The following VIPR2 variants were observed in gnomAD, a reference collection of about 807,000 sequenced individuals.
The protein encoded by VIPR2 is vasoactive intestinal peptide receptor 2.
A neutral mutation model predicts 58.0 loss-of-function variants in VIPR2; 48 were observed. The ratio of observed to expected loss-of-function variants is 0.83; its 90% confidence interval spans 0.66 to 1.05. The LOEUF (loss-of-function observed/expected upper bound fraction) is 1.05. Ranked by LOEUF, VIPR2 falls within the 50% of genes least tolerant of loss-of-function variation. VIPR2 has a pLI of 0.00. For missense variants in VIPR2, 534 were observed against 558.0 expected (o/e 0.96, Z 0.43); for synonymous variants, 243 against 235.2 (o/e 1.03, Z -0.30).
chr7:159,140,543 G>C (rs902230484), intron 2 of VIPR2, among the ~76,000 whole-genome samples: 2 of 152,172 alleles, frequency 1.3e-5, no homozygotes, highest in Non-Finnish European at 2.9e-5. Context: ...AAGTCAAAAA[G>C]GTAAAACAGA....
chr7:159,043,582 G>A (rs1009140653), intron 5 of VIPR2, among the ~76,000 whole-genome samples: 4 of 152,138 alleles, frequency 2.6e-5, no homozygotes, highest in African/African-American at 9.7e-5. Context: ...CCAAGTGAAC[G>A]CTTAGCCGGG....
intron 2 of VIPR2, among the ~76,000 whole-genome samples, chr7:159,134,269 T>C (rs1585565730): frequency 6.6e-6 from 1 of 152,230 alleles, no homozygotes; most frequent in South Asian, 2.1e-4. Flanking sequence ...TCACAGTGCA[T>C]ATCAGTGTCA....
chr7:159,055,235 G>A (rs373533343), intron 5 of VIPR2, among the ~76,000 whole-genome samples: 1 of 152,090 alleles, frequency 6.6e-6, no homozygotes, highest in South Asian at 2.1e-4. Context: ...ATGATTCCGA[G>A]GTAACGTTTT....
chr7:159,108,306 C>G (rs1234744359), intron 3 of VIPR2, among the ~76,000 whole-genome samples: 1 of 152,240 alleles, frequency 6.6e-6, no homozygotes, highest in African/African-American at 2.4e-5. Flanking sequence ...ATTTAATGCC[C>G]CAAAGATGAA....
intron 4 of VIPR2, among the ~76,000 whole-genome samples, chr7:159,074,048 T>TAA (rs1585420685): frequency 6.6e-6 from 1 of 152,036 alleles, no homozygotes; most frequent in East Asian, 1.9e-4. Context: ...ATCAATAAAA[T>TAA]AAAACATGCA....
At chr7:159,041,275 G>T (rs373768549) in intron 6 of VIPR2, among the ~76,000 whole-genome samples, 7 of 152,204 alleles carry the variant, frequency 4.6e-5, no homozygotes, top group Non-Finnish European at 1.0e-4. Context: ...ACTCTGCCTC[G>T]GAGGTTCTGG....
At chr7:159,103,426 G>T (rs1439155097) in intron 4 of VIPR2, among the ~76,000 whole-genome samples, 1 of 152,132 alleles carries the variant, frequency 6.6e-6, no homozygotes, top group Non-Finnish European at 1.5e-5. Flanking sequence ...ATGCAGAAAG[G>T]GCATGCTCTC....
chr7:159,077,811 A>T (rs1411328350), intron 4 of VIPR2, among the ~76,000 whole-genome samples: 4 of 152,184 alleles, frequency 2.6e-5, no homozygotes, highest in African/African-American at 9.7e-5. Context: ...TGTACCTGTT[A>T]TCAGATTCTA....
intron 4 of VIPR2, among the ~76,000 whole-genome samples, chr7:159,101,304 G>A (rs1202124084): frequency 1.4e-5 from 2 of 147,700 alleles, no homozygotes; most frequent in Non-Finnish European, 3.0e-5. Context: ...GATAGTGAAC[G>A]GGTCTCACGA....
At chr7:159,113,206 A>G (rs988613305) in intron 2 of VIPR2, among the ~76,000 whole-genome samples, 2 of 152,212 alleles carry the variant, frequency 1.3e-5, no homozygotes, top group Non-Finnish European at 2.9e-5. Context: ...TAAGCCTGGT[A>G]GTTAAAATTT....
At chr7:159,105,532 G>A (rs541298412) in intron 3 of VIPR2, among the ~76,000 whole-genome samples, 43 of 152,298 alleles carry the variant, frequency 2.8e-4, no homozygotes, top group African/African-American at 1.0e-3. Context: ...GCAGAGAGAG[G>A]GCCGGGCCAG....
intron 2 of VIPR2, among the ~76,000 whole-genome samples, chr7:159,132,831 G>T (rs28626309): frequency 0.11 from 4,217 of 38,926 alleles, 424 homozygotes; most frequent in Admixed American, 0.14. Flanking sequence ...CGATTGATTT[G>T]AGACAGAATG....
intron 3 of VIPR2, among the ~76,000 whole-genome samples, chr7:159,105,697 G>T (rs1410166694): frequency 6.6e-6 from 1 of 152,110 alleles, no homozygotes; most frequent in African/African-American, 2.4e-5. Context: ...GGGTCTGGGG[G>T]CCTCTTAGCT....
At chr7:159,143,623 A>G (rs1328258483) in intron 1 of VIPR2, among the ~76,000 whole-genome samples, 1 of 152,234 alleles carries the variant, frequency 6.6e-6, no homozygotes, top group Non-Finnish European at 1.5e-5. Context: ...CCAGGCACTG[A>G]CTTTGGGCTC....
chr7:159,131,725 G>A (rs1289764149), intron 2 of VIPR2, among the ~76,000 whole-genome samples: 1 of 152,176 alleles, frequency 6.6e-6, no homozygotes, highest in Non-Finnish European at 1.5e-5. Flanking sequence ...CCATGCCTAA[G>A]TCACTGATTT....
intron 6 of VIPR2, among the ~76,000 whole-genome samples, chr7:159,041,335 C>G (rs940116813): frequency 6.6e-6 from 1 of 152,204 alleles, no homozygotes; most frequent in African/African-American, 2.4e-5. Flanking sequence ...GCTGCTGCTC[C>G]AGGCCAGCAC....
chr7:159,072,192 G>A (rs377125095), intron 4 of VIPR2, among the ~76,000 whole-genome samples: 39 of 69,726 alleles, frequency 5.6e-4, no homozygotes, highest in South Asian at 1.5e-3. Flanking sequence ...GGAACCCTGC[G>A]GCACCTGCTG....
intron 4 of VIPR2, among the ~76,000 whole-genome samples, chr7:159,094,356 T>A (rs2129495469): frequency 6.6e-6 from 1 of 152,310 alleles, no homozygotes; most frequent in African/African-American, 2.4e-5. Context: ...CAAGGAAAGT[T>A]GAGCCCATGG....
In VIPR2 at chr7:159,028,547, C is replaced by T. The variant is rs1202198870; in HGVS notation, c.*2069G>A. ...TCACAGCTCAGTGTCGGCACCTGGC[C>T]ACTGACCCAACACCTTCAGTTACCA... is the stretch of plus-strand genomic sequence containing the variant. On this transcript the variant is annotated 3_prime_UTR_variant, in exon 13 of 13. Transcript: ENST00000262178. 1 of 152,398 alleles carries T rather than the reference C, an allele frequency of 6.6e-6. No individual in the cohort carries two copies. The highest frequency in any genetic ancestry group is 1.5e-5 in the Non-Finnish European group (1 of 68,130). The allele number at this position is 152,398 out of a possible 1,614,324, so 9.4% of individuals were successfully genotyped here.
Sources: allele counts gnomAD v4.1 joint callset (sites outside exome capture counted in the v4.1 genomes callset), GRCh38; gene constraint gnomAD v4.1.1; transcripts MANE v1.5; gene names NCBI Gene and HGNC (gene_info 2026-07-23, HGNC 2026-07-21).